The following ARHGEF12 variants were observed in gnomAD, a reference collection of about 807,000 sequenced individuals.
ARHGEF12 encodes Rho guanine nucleotide exchange factor 12, also known as KMT2A/ARHGEF12 fusion protein.
Under a neutral mutation model 211.2 loss-of-function variants are expected in ARHGEF12, and 66 were observed. The ratio of observed to expected loss-of-function variants is 0.31; its 90% CI spans 0.26 to 0.38. ARHGEF12 has a LOEUF of 0.38. ARHGEF12 is among the 10% of genes least tolerant of loss of function. The probability of loss-of-function intolerance (pLI) is 1.00; values close to 1 mark genes in which losing one functional copy is unlikely to be tolerated. For missense variants in ARHGEF12, 1,429 were observed against 1,869.5 expected (o/e 0.76, Z 4.34); for synonymous variants, 592 against 638.4 (o/e 0.93, Z 1.09).
Position 120,336,454 on chromosome 11 carries a change from C to T in ARHGEF12, c.-790C>T, listed in dbSNP as rs1303729196. Among the ~76,000 whole-genome samples the T allele has an allele frequency of 3.3e-5, 5 of 151,658 alleles. No homozygotes were observed. The highest frequency in any genetic ancestry group is 6.6e-5 in the Admixed American group (1 of 15,236). ...GCCCTGCGCCGGGAGACGCCGCCGC[C>T]TCCGCCTCCCGGACCAGGGCTTCCA... On this transcript the variant is annotated 5_prime_UTR_variant, in exon 1 of 41. Transcript: ENST00000397843.
Position 120,487,440 on chromosome 11 carries a change from C to T in ARHGEF12, c.*2363C>T. The T allele has an allele frequency of 4.6e-6, 1 of 217,146 alleles. No homozygotes were observed. The highest frequency in any genetic ancestry group is 2.2e-5 in the African/African-American group (1 of 44,602). 13.5% of individuals were successfully genotyped at this position (217,146 alleles called of 1,614,324 possible). ...TGAATGTTCTTTTTATCTTACCGAC[C>T]TAACTTCTCTTTTCCCTCCCAACTT... On this transcript the variant is annotated 3_prime_UTR_variant, in exon 41 of 41. Transcript: ENST00000397843.
At chr11:120,337,605 T>A in intron 1 of ARHGEF12, 1 of 985,412 alleles carries the variant, frequency 1.0e-6, no homozygotes, top group Non-Finnish European at 1.2e-6. Context: ...TGAAGGTCGG[T>A]GCCTGAAGTC....
At chr11:120,448,158 G>T (rs1946100019) in intron 19 of ARHGEF12, 76 bp from the exon 20 acceptor site, 1 of 1,127,954 alleles carries the variant, frequency 8.9e-7, no homozygotes, top group East Asian at 2.4e-5. Flanking sequence ...TGGGGTTTTG[G>T]AAATCATTTG....
intron 17 of ARHGEF12, 69 bp downstream of exon 17, chr11:120,446,577 G>T: frequency 8.1e-7 from 1 of 1,238,478 alleles, no homozygotes. Context: ...AGAAAAAGTT[G>T]CTCATTAAAT....
chr11:120,445,456 C>T lies in ARHGEF12; in HGVS notation c.1337C>T (p.Ala446Val). 6.2e-7 allele frequency: 1 copy of T among 1,614,082 alleles called. No individual in the cohort carries two copies. The highest frequency in any genetic ancestry group is 8.5e-7 in the Non-Finnish European group (1 of 1,179,942). Residue 446 changes from alanine to valine, a missense_variant, in exon 16 of 41, where the codon GCA becomes GTA. Ala to Val is a moderately conservative substitution (Grantham distance 64). Transcript: ENST00000397843. ...LKVSVPDEMSADLEKRRPELI... is the reference protein window; with the variant it reads ...LKVSVPDEMSVDLEKRRPELI... ...GTTTCTGTTCCTGATGAAATGTCTG[C>T]AGATCTAGGTAAGCTTGGAGCACTA...
Position 120,485,985 on chromosome 11 carries a change from G to A in ARHGEF12, c.*908G>A, listed in dbSNP as rs764541477. The stretch of plus-strand genomic sequence containing the variant: ...ATTTCATTTTTATAATTATACATTA[G>A]ACATTGGCACTTGTGTAAAACTGTC... On this transcript the variant is annotated 3_prime_UTR_variant, in exon 41 of 41. Transcript: ENST00000397843. 38 of 231,516 alleles carry A rather than the reference G, an allele frequency of 1.6e-4. No individual in the cohort carries two copies. Among genetic ancestry groups the A allele is most frequent in the Admixed American group, 4.0e-4 (7 of 17,690 alleles). The allele number at this position is 231,516 out of a possible 1,614,324, so 14.3% of individuals were successfully genotyped here. A position where few individuals can be genotyped will look rare whatever the true frequency, so the allele number is the denominator to read the frequency against.
chr11:120,457,708 T>G lies in ARHGEF12; in HGVS notation c.2190-13T>G, dbSNP rs1280662576. 6.3e-7 allele frequency: 1 copy of G among 1,590,408 alleles called. No homozygotes were observed. The highest frequency in any genetic ancestry group is 1.3e-5 in the African/African-American group (1 of 74,440). Reference sequence around the variant, plus strand: ...TTTGTTTTCATGTTACTCTTTACTTTCCATTGTTTTAGGGTGACTGAACAT... The same window carrying G: ...TTTGTTTTCATGTTACTCTTTACTTGCCATTGTTTTAGGGTGACTGAACAT... On this transcript the variant is annotated splice_polypyrimidine_tract_variant and intron_variant, in intron 23 of 40. Coordinates refer to ENST00000397843, the MANE Select transcript of ARHGEF12 (RefSeq NM_015313.3).
At chr11:120,428,419 A>G (rs897754977) in intron 8 of ARHGEF12, among the ~76,000 whole-genome samples, 172 bp downstream of exon 8, 2 of 152,230 alleles carry the variant, frequency 1.3e-5, no homozygotes, top group Non-Finnish European at 2.9e-5. Flanking sequence ...TTGTCATAGC[A>G]GATTTAATTT....
At chr11:120,376,086 T>C (rs1161944537) in intron 1 of ARHGEF12, among the ~76,000 whole-genome samples, 1 of 152,168 alleles carries the variant, frequency 6.6e-6, no homozygotes, top group African/African-American at 2.4e-5. Flanking sequence ...AAATAATGTT[T>C]ATCAGATTTC....
chr11:120,368,547 A>G (rs776134137), intron 1 of ARHGEF12, among the ~76,000 whole-genome samples: 28 of 152,164 alleles, frequency 1.8e-4, no homozygotes, highest in Non-Finnish European at 3.7e-4. Flanking sequence ...CAGCATTCCT[A>G]TAAAGCAGAT....
intron 4 of ARHGEF12, 132 bp downstream of exon 4, chr11:120,409,582 T>A: frequency 1.1e-6 from 1 of 879,610 alleles, no homozygotes; most frequent in Non-Finnish European, 1.7e-6. Flanking sequence ...GTGCATGGCA[T>A]GATCTACTGC....
At chr11:120,460,223 A>C (rs1489571880) in intron 26 of ARHGEF12, among the ~76,000 whole-genome samples, 1 of 152,118 alleles carries the variant, frequency 6.6e-6, no homozygotes, top group African/African-American at 2.4e-5. Context: ...CTGCTAACTA[A>C]ATTGATGCCT....
chr11:120,442,027 C>T (rs1371584582), intron 14 of ARHGEF12, 77 bp from the exon 15 acceptor site: 1 of 1,063,274 alleles, frequency 9.4e-7, no homozygotes, highest in Non-Finnish European at 1.4e-6. Flanking sequence ...CCAGACATTC[C>T]TACTCAATGG....
At chr11:120,451,321 G>T (rs1565491957) in intron 21 of ARHGEF12, 191 bp from the exon 22 acceptor site, 9 of 505,368 alleles carry the variant, frequency 1.8e-5, no homozygotes, top group Non-Finnish European at 2.9e-5. Flanking sequence ...TGGGATTACA[G>T]GCATGTGCCA....
chr11:120,396,151 G>C (rs1387694747), intron 1 of ARHGEF12, among the ~76,000 whole-genome samples: 1 of 152,118 alleles, frequency 6.6e-6, no homozygotes, highest in African/African-American at 2.4e-5. Context: ...TAAACGGGAA[G>C]AATTTGAGCA....
chr11:120,368,699 C>G (rs1943501991), intron 1 of ARHGEF12, among the ~76,000 whole-genome samples: 1 of 152,062 alleles, frequency 6.6e-6, no homozygotes, highest in African/African-American at 2.4e-5. Flanking sequence ...ATGTATGTTT[C>G]CCTTTTAGAA....
chr11:120,447,588 C>T (rs1190287369), intron 18 of ARHGEF12, among the ~76,000 whole-genome samples: 5 of 151,670 alleles, frequency 3.3e-5, no homozygotes, highest in African/African-American at 9.7e-5. Flanking sequence ...GGAGGCCGAG[C>T]GGGCGGATTA....
In ARHGEF12 at chr11:120,486,739, G is replaced by C. The variant is rs1947407414; in HGVS notation, c.*1662G>C. 4.5e-6 allele frequency: 1 copy of C among 220,390 alleles called. No individual in the cohort carries two copies. The highest frequency in any genetic ancestry group is 9.1e-6 in the Non-Finnish European group (1 of 109,996). 13.7% of individuals were successfully genotyped at this position (220,390 alleles called of 1,614,324 possible). On this transcript the variant is annotated 3_prime_UTR_variant, in exon 41 of 41. Coordinates refer to ENST00000397843, the MANE Select transcript of ARHGEF12 (RefSeq NM_015313.3). ...TGATTTTTTCACCACAAATGGTAAG[G>C]GATGCCCACCTACTTTTATAAACAC...
intron 36 of ARHGEF12, among the ~76,000 whole-genome samples, chr11:120,477,872 AAAG>A (rs1327954496): frequency 2.0e-5 from 3 of 150,428 alleles, no homozygotes; most frequent in East Asian, 1.9e-4. Context: ...CAAAAAAAAA[AAAG>A]AAAAAAAGAA....
Sources: allele counts gnomAD v4.1 joint callset (sites outside exome capture counted in the v4.1 genomes callset), GRCh38; gene constraint gnomAD v4.1.1; transcripts MANE v1.5; gene names NCBI Gene and HGNC (gene_info 2026-07-23, HGNC 2026-07-21).